CA8: variants seen among roughly 807,000 people sequenced by gnomAD.
CA8 encodes the protein carbonic anhydrase-related protein.
Under a neutral mutation model 41.4 loss-of-function variants are expected in CA8, and 22 were observed. That is an observed-to-expected ratio of 0.53 (90% CI 0.38 to 0.76). CA8 has a LOEUF of 0.76. CA8 is among the 30% of genes least tolerant of loss of function. The pLI is 0.00. For missense variants in CA8, 270 were observed against 352.8 expected, an observed-to-expected ratio of 0.77 and a Z score of 1.88; for synonymous variants, 121 against 130.6, an observed-to-expected ratio of 0.93 and a Z score of 0.50.
intron 3 of CA8, among the ~76,000 whole-genome samples, chr8:60,252,920 T>G (rs1386067286): frequency 6.6e-6 from 1 of 152,084 alleles, no homozygotes; most frequent in Admixed American, 6.5e-5. Context: ...TTAACTAATT[T>G]GAAACTGAAT....
At chr8:60,248,544 C>G (rs957339680) in intron 3 of CA8, among the ~76,000 whole-genome samples, 9 of 152,136 alleles carry the variant, frequency 5.9e-5, no homozygotes, top group Non-Finnish European at 1.2e-4. Flanking sequence ...TCAGGTTTGT[C>G]AAAGGTCAGG....
At position 60,266,029 on chromosome 8, in the gene CA8, G is replaced by A. The variant is rs1488227064; in HGVS notation, c.313C>T (p.Pro105Ser). The change falls in exon 3 of 9, where the codon CCT (proline) becomes TCT (serine). Residue 105 changes from proline (P) to serine (S), a missense_variant. Physicochemically the swap from Pro to Ser is moderately conservative, Grantham distance 74. This residue lies in a region of CA8 where 123 missense variants were observed against 136.8 expected (regional missense o/e 0.90). Transcript: ENST00000317995. Reference protein sequence around the residue: ...SKSVLSGGPLPQGHEFELYEV... With the variant: ...SKSVLSGGPLSQGHEFELYEV... ...TACAGTTCAAATTCATGCCCTTGAG[G>A]CAATGGTCCTCCCGAAAGAACTGAA... 7.4e-6 allele frequency: 12 copies of A among 1,613,434 alleles called. No homozygotes were observed. In the East Asian group the frequency reaches 8.9e-5, roughly 12 times the overall value.
chr8:60,265,827 G>C, intron 3 of CA8, 98 bp downstream of exon 3: 1 of 1,303,310 alleles, frequency 7.7e-7, no homozygotes, highest in South Asian at 1.2e-5. Flanking sequence ...TAAAATTCAA[G>C]AGCTATGCAT....
chr8:60,259,433 CT>C (rs1190928297), intron 3 of CA8, among the ~76,000 whole-genome samples: 14 of 152,092 alleles, frequency 9.2e-5, no homozygotes, highest in African/African-American at 3.4e-4. Context: ...CCAAAACAAC[CT>C]TTTGTATATC....
At chr8:60,206,800 G>A (rs1314231721) in intron 8 of CA8, among the ~76,000 whole-genome samples, 1 of 152,096 alleles carries the variant, frequency 6.6e-6, no homozygotes, top group East Asian at 1.9e-4. Flanking sequence ...CTCCCTGTGT[G>A]CTTAGGATTT....
chr8:60,269,303 T>G (rs1563381980), intron 2 of CA8, among the ~76,000 whole-genome samples: 1 of 152,180 alleles, frequency 6.6e-6, no homozygotes, highest in Admixed American at 6.5e-5. Flanking sequence ...GAAAATCAAA[T>G]TTTGCTGAGT....
At chr8:60,193,801 A>G (rs1167463847) in intron 8 of CA8, among the ~76,000 whole-genome samples, 1 of 152,164 alleles carries the variant, frequency 6.6e-6, no homozygotes, top group East Asian at 1.9e-4. Flanking sequence ...CTGGGAATTC[A>G]GTGGATTCTT....
chr8:60,241,464 T>C (rs997766094), intron 3 of CA8, among the ~76,000 whole-genome samples: 11 of 152,200 alleles, frequency 7.2e-5, no homozygotes, highest in African/African-American at 2.7e-4. Flanking sequence ...AAAAAGAAGA[T>C]CTTATTTCAA....
intron 2 of CA8, among the ~76,000 whole-genome samples, chr8:60,279,164 T>C (rs1804331706): frequency 6.6e-6 from 1 of 152,218 alleles, no homozygotes; most frequent in Non-Finnish European, 1.5e-5. Flanking sequence ...TTGTTTACCA[T>C]TTAAATCTCT....
chr8:60,242,024 C>T (rs1585894085), intron 3 of CA8, among the ~76,000 whole-genome samples: 1 of 152,110 alleles, frequency 6.6e-6, no homozygotes, highest in African/African-American at 2.4e-5. Context: ...TATTGAGCAC[C>T]GACAGTATCT....
chr8:60,263,471 T>C (rs1554526027), intron 3 of CA8, among the ~76,000 whole-genome samples: 1 of 151,028 alleles, frequency 6.6e-6, no homozygotes, highest in Admixed American at 6.6e-5. Context: ...TGTGTGATTT[T>C]GAGAAAAAAA....
chr8:60,190,108 G>C (rs1226379752), intron 8 of CA8, 123 bp from the exon 9 acceptor site: 1 of 151,740 alleles, frequency 6.6e-6, no homozygotes, highest in Non-Finnish European at 1.5e-5. Flanking sequence ...AGAAAATGTG[G>C]AAATTTCAAA....
chr8:60,212,325 T>A (rs571412412), intron 7 of CA8, among the ~76,000 whole-genome samples: 1 of 152,362 alleles, frequency 6.6e-6, no homozygotes, highest in Admixed American at 6.5e-5. Flanking sequence ...AGTTCCCAAG[T>A]TCTAATAGAT....
At chr8:60,259,311 T>C (rs970914255) in intron 3 of CA8, among the ~76,000 whole-genome samples, 2 of 152,232 alleles carry the variant, frequency 1.3e-5, no homozygotes, top group Non-Finnish European at 2.9e-5. Flanking sequence ...ATCTATAACC[T>C]TACCCATACA....
chr8:60,248,769 T>C (rs1292595490), intron 3 of CA8, among the ~76,000 whole-genome samples: 1 of 152,096 alleles, frequency 6.6e-6, no homozygotes, highest in Non-Finnish European at 1.5e-5. Flanking sequence ...TTCAAAGTAG[T>C]TTTTCTAATT....
chr8:60,276,339 C>T (rs575298671), intron 2 of CA8, among the ~76,000 whole-genome samples: 2 of 152,222 alleles, frequency 1.3e-5, no homozygotes, highest in Admixed American at 1.3e-4. Context: ...AGAAAAGCAG[C>T]CTCCACAGGA....
At chr8:60,237,974 A>G (rs1807891059) in intron 3 of CA8, among the ~76,000 whole-genome samples, 1 of 152,214 alleles carries the variant, frequency 6.6e-6, no homozygotes, top group African/African-American at 2.4e-5. Context: ...GGACCACAGG[A>G]AAACAACCAT....
Position 60,234,524 on chromosome 8 carries a change from A to C in CA8, c.418-2145T>G, listed in dbSNP as rs186191291. Among the ~76,000 whole-genome samples, 248 of 152,332 alleles carry C rather than the reference A, an allele frequency of 1.6e-3. 1 individual carries two copies. Among genetic ancestry groups the C allele is most frequent in the Admixed American group, 6.3e-3 (97 of 15,296 alleles). On this transcript the variant is annotated intron_variant, in intron 3 of 8. Transcript: ENST00000317995. ...TGGGAATTTTCTGTACTGTCTTTAT[A>C]ATTTTTCTATAAATGTTAAACTGTT...
rs115560589 is a variant in CA8, at chr8:60,264,561, C to T, written c.417+1364G>A. ...GGAGAGAGAGGTGACACAGAAGTGT[C>T]ACAGGCAGTAGAAAGGAGAGGATGT... On this transcript the variant is annotated intron_variant, in intron 3 of 8. Transcript: ENST00000317995. Among the ~76,000 whole-genome samples the T allele has an allele frequency of 7.5e-3, 1,141 of 152,306 alleles. 16 individuals carry two copies. The highest frequency in any genetic ancestry group is 0.026 in the African/African-American group (1,077 of 41,566).
Sources: allele counts gnomAD v4.1 joint callset (sites outside exome capture counted in the v4.1 genomes callset), GRCh38; gene constraint gnomAD v4.1.1; regional missense constraint gnomAD v4.1.1; transcripts MANE v1.5; gene names NCBI Gene and HGNC (gene_info 2026-07-23, HGNC 2026-07-21).